Variants in DOK6 observed in about 807,000 individuals in gnomAD.
DOK6 encodes docking protein 6.
DOK6 carries 22 observed loss-of-function variants against 44.0 expected under a neutral mutation model. That is an observed-to-expected ratio of 0.50 (90% CI 0.36 to 0.71). DOK6 has a LOEUF of 0.71. Among genes scored for constraint, DOK6 ranks in the 30% least tolerant of loss-of-function variants. The probability of loss-of-function intolerance (pLI) is 0.00; values close to 1 mark genes in which losing one functional copy is unlikely to be tolerated. For missense variants in DOK6, 340 were observed against 416.4 expected, an observed-to-expected ratio of 0.82 and a Z score of 1.60; for synonymous variants, 166 against 145.5, an observed-to-expected ratio of 1.14 and a Z score of -1.01.
At chr18:69,798,509 A>G (rs1980812750) in intron 7 of DOK6, among the ~76,000 whole-genome samples, 1 of 152,078 alleles carries the variant, frequency 6.6e-6, no homozygotes, top group Admixed American at 6.6e-5. Context: ...TACATACAAC[A>G]GTTTATCTAC....
chr18:69,609,236 T>C (rs1984077120), intron 3 of DOK6, among the ~76,000 whole-genome samples: 1 of 152,060 alleles, frequency 6.6e-6, no homozygotes, highest in Admixed American at 6.6e-5. Context: ...ATGGGAAAAA[T>C]ACTTGCAAAC....
chr18:69,678,864 A>T (rs995773753), intron 4 of DOK6, among the ~76,000 whole-genome samples: 1 of 120,452 alleles, frequency 8.3e-6, no homozygotes, highest in African/African-American at 2.8e-5. Context: ...ATATTGAGGA[A>T]ACTTGACATT....
intron 3 of DOK6, among the ~76,000 whole-genome samples, chr18:69,666,992 A>AC (rs149070222): frequency 0.085 from 12,778 of 151,086 alleles, 564 homozygotes; most frequent in South Asian, 0.16. Context: ...TCCCAGAAGG[A>AC]CCCCCCCTCC....
chr18:69,625,818 T>C (rs1599228766), intron 3 of DOK6, among the ~76,000 whole-genome samples: 1 of 152,196 alleles, frequency 6.6e-6, no homozygotes, highest in Non-Finnish European at 1.5e-5. Flanking sequence ...CTGAAACCAG[T>C]TTTTTGTTTG....
intron 1 of DOK6, among the ~76,000 whole-genome samples, chr18:69,512,332 C>CTTCTTCTT (rs59109570): frequency 1.1e-5 from 1 of 91,690 alleles, no homozygotes; most frequent in African/African-American, 4.7e-5. Flanking sequence ...CTTTCTTCTT[C>CTTCTTCTT]TTTTTTTTTT....
chr18:69,734,221 C>T (rs1978519908), intron 5 of DOK6, among the ~76,000 whole-genome samples: 1 of 151,242 alleles, frequency 6.6e-6, no homozygotes, highest in African/African-American at 2.4e-5. Flanking sequence ...ACTTGAGACT[C>T]TACTTGGACC....
chr18:69,434,517 ACGG>A, intron 1 of DOK6, among the ~76,000 whole-genome samples: 1 of 151,920 alleles, frequency 6.6e-6, no homozygotes, highest in East Asian at 2.0e-4. Context: ...GTGGCCAGGC[ACGG>A]TGGCTCACGC....
At chr18:69,563,919 G>A (rs1490969396) in intron 1 of DOK6, among the ~76,000 whole-genome samples, 2 of 151,966 alleles carry the variant, frequency 1.3e-5, no homozygotes, top group Non-Finnish European at 2.9e-5. Context: ...TATTAAATAT[G>A]TATATAAATT....
At chr18:69,540,169 A>C (rs1274119892) in intron 1 of DOK6, among the ~76,000 whole-genome samples, 1 of 152,200 alleles carries the variant, frequency 6.6e-6, no homozygotes, top group Non-Finnish European at 1.5e-5. Flanking sequence ...ATTACAGTTC[A>C]AGATGAGATT....
At chr18:69,737,448 G>A (rs935878994) in intron 5 of DOK6, among the ~76,000 whole-genome samples, 1 of 152,144 alleles carries the variant, frequency 6.6e-6, no homozygotes, top group Non-Finnish European at 1.5e-5. Flanking sequence ...CCCTCCACAT[G>A]TGGGGATTAC....
At chr18:69,402,472 A>T (rs1364967891) in intron 1 of DOK6, among the ~76,000 whole-genome samples, 1 of 152,222 alleles carries the variant, frequency 6.6e-6, no homozygotes, top group South Asian at 2.1e-4. Context: ...TGGAAGAAAG[A>T]TAAGGTAGAA....
intron 6 of DOK6, 87 bp downstream of exon 6, chr18:69,739,190 T>C (rs1400175923): frequency 1.3e-6 from 2 of 1,550,632 alleles, no homozygotes; most frequent in Non-Finnish European, 1.7e-6. Context: ...GGGCCATTCA[T>C]GTCAGCGCCT....
At chr18:69,634,063 A>G (rs1984749421) in intron 3 of DOK6, among the ~76,000 whole-genome samples, 1 of 151,808 alleles carries the variant, frequency 6.6e-6, no homozygotes, top group Non-Finnish European at 1.5e-5. Context: ...TTATCTCCCA[A>G]ATCAAAAAAA....
intron 7 of DOK6, among the ~76,000 whole-genome samples, chr18:69,805,293 T>C (rs34175759): frequency 0.054 from 8,209 of 152,222 alleles, 302 homozygotes; most frequent in Middle Eastern, 0.12. Flanking sequence ...ATGTATAGGT[T>C]GGTTTTATTT....
intron 3 of DOK6, chr18:69,618,520 GA>G: frequency 6.0e-6 from 1 of 166,318 alleles, no homozygotes. Context: ...AAATTATAAA[GA>G]AAAAGAGGTT....
chr18:69,488,983 T>C (rs1980662226), intron 1 of DOK6, among the ~76,000 whole-genome samples: 1 of 152,210 alleles, frequency 6.6e-6, no homozygotes, highest in Non-Finnish European at 1.5e-5. Flanking sequence ...CTCTTATTGA[T>C]GGAGTCCATA....
intron 3 of DOK6, 55 bp from the exon 4 acceptor site, chr18:69,677,679 C>A: frequency 6.2e-7 from 1 of 1,608,068 alleles, no homozygotes; most frequent in Non-Finnish European, 8.5e-7. Flanking sequence ...AAATATTCTT[C>A]TTCCATCATT....
chr18:69,570,520 T>A (rs1983089155), intron 2 of DOK6, among the ~76,000 whole-genome samples: 1 of 151,972 alleles, frequency 6.6e-6, no homozygotes, highest in African/African-American at 2.4e-5. Context: ...AAGAAAAAAA[T>A]TTGAAAAAGA....
intron 1 of DOK6, among the ~76,000 whole-genome samples, chr18:69,560,743 G>C (rs142738853): frequency 1.6e-4 from 24 of 152,166 alleles, no homozygotes; most frequent in African/African-American, 5.5e-4. Flanking sequence ...ACTGCGGCAT[G>C]AGCTTTACAT....
Sources: allele counts gnomAD v4.1 joint callset (sites outside exome capture counted in the v4.1 genomes callset), GRCh38; gene constraint gnomAD v4.1.1; transcripts MANE v1.5; gene names NCBI Gene and HGNC (gene_info 2026-07-23, HGNC 2026-07-21).